The following SLC6A8 variants were observed in gnomAD, a reference collection of about 807,000 sequenced individuals.
SLC6A8 encodes the protein solute carrier family 6 member 8.
In SLC6A8, 6 loss-of-function variants were observed where a neutral mutation model predicts 48.3. The observed-to-expected ratio is 0.12, with a 90% CI of 0.07 to 0.25. The LOEUF is 0.25. Ranked by LOEUF, SLC6A8 falls within the 10% of genes least tolerant of loss-of-function variation. The pLI is 1.00. For synonymous variants in SLC6A8, 245 were observed against 244.0 expected, an observed-to-expected ratio of 1.00 and a Z score of -0.04; for missense variants, 260 against 551.5, an observed-to-expected ratio of 0.47 and a Z score of 5.29.
chrX:153,693,808 A>G (rs2091471137), intron 7 of SLC6A8, 97 bp from the exon 8 acceptor site: 1 of 828,663 alleles, frequency 1.2e-6, no homozygotes, highest in African/African-American at 2.0e-5. Flanking sequence ...CCTCTGAGGC[A>G]GGCGTGGGCA....
At chrX:153,692,195 A>G in intron 4 of SLC6A8, 88 bp downstream of exon 4, 1 of 968,288 alleles carries the variant, frequency 1.0e-6, no homozygotes, top group Admixed American at 2.6e-5. Flanking sequence ...ACGGGAGGTG[A>G]CCAGACAGAG....
intron 1 of SLC6A8, among the ~76,000 whole-genome samples, chrX:153,689,283 C>CGCGG (rs1388529088): frequency 1.0e-5 from 1 of 95,508 alleles, no homozygotes; most frequent in African/African-American, 5.2e-5. Context: ...GCCCTCCCCT[C>CGCGG]CCCTCGCGGC....
At position 153,695,143 on chromosome X, in the gene SLC6A8, G is replaced by T; in HGVS notation, c.1837G>T (p.Val613Phe). 8.3e-7 allele frequency: 1 copy of T among 1,197,894 alleles called. No homozygotes were observed. Among genetic ancestry groups the T allele is most frequent in the East Asian group, 3.0e-5 (1 of 33,249 alleles). ...GGAGTACCGAGCTCAGGACGCAGAT[G>T]TCAGGGGCCTGACCACCCTGACCCC... ...HLEYRAQDAD[V>F]RGLTTLTPVS... Residue 613 changes from valine (V) to phenylalanine (F), a missense_variant, in exon 13 of 13, where the codon GTC (valine) becomes TTC (phenylalanine). Val to Phe is a conservative substitution (Grantham distance 50). This residue lies in a region of SLC6A8 where 87 missense variants were observed against 120.9 expected (regional missense o/e 0.72). Transcript: ENST00000253122.
Position 153,694,523 on chromosome X carries a change from C to T in SLC6A8, c.1496-10C>T, listed in dbSNP as rs1557045522. On this transcript the variant is annotated splice_polypyrimidine_tract_variant and intron_variant, in intron 10 of 12. Transcript: ENST00000253122. ...CTCCAGCTTGGCCCTCCCGCCTCAC[C>T]TCGCCGCAGGAGCTGACCGCTTCAT... 1 of 1,204,916 alleles carries T rather than the reference C, an allele frequency of 8.3e-7. No homozygotes were observed. The highest frequency in any genetic ancestry group is 1.8e-5 in the African/African-American group (1 of 56,763).
intron 2 of SLC6A8, 131 bp downstream of exon 2, chrX:153,690,637 T>C: frequency 1.3e-6 from 1 of 748,402 alleles, no homozygotes; most frequent in Non-Finnish European, 2.0e-6. Flanking sequence ...GGGGGGAGCC[T>C]GGAGGAGATG....
chrX:153,693,142 C>T lies in SLC6A8; in HGVS notation c.879C>T (p.Leu293=). 1 of 1,210,821 alleles carries T rather than the reference C, an allele frequency of 8.3e-7. No individual in the cohort carries two copies. Among genetic ancestry groups the T allele is most frequent in the East Asian group, 3.0e-5 (1 of 33,810 alleles). ...CCCTGGATGGCATCATTTACTATCT[C>T]AAGCCTGACTGGTCAAAGCTGGGGT... The part of the protein sequence containing the change: ...PGALDGIIYY[L]KPDWSKLGSP... The change falls in exon 5 of 13, where the codon CTC becomes CTT. Residue 293 remains leucine (L), a synonymous_variant. Coordinates refer to ENST00000253122, the MANE Select transcript of SLC6A8 (RefSeq NM_005629.4).
rs1064794768 is a variant in SLC6A8 at position 153,695,214 on chromosome X, ACAACT to A, written c.*3_*7del. 2.5e-5 allele frequency: 30 copies of A among 1,179,745 alleles called. No homozygotes were observed. Among genetic ancestry groups the A allele is most frequent in the Admixed American group, 1.9e-4 (8 of 42,291 alleles). On this transcript the variant is annotated 3_prime_UTR_variant, in exon 13 of 13. Transcript: ENST00000253122. The stretch of plus-strand genomic sequence containing the variant: ...TCGTCGTGGTGGAGAGTGTCATGTG[ACAACT>A]CAGCTCACATCACCAGCTCACCTCT...
At chrX:153,691,697 G>A (rs781803950) in intron 3 of SLC6A8, 144 bp downstream of exon 3, 101 of 803,864 alleles carry the variant, frequency 1.3e-4, no homozygotes, top group South Asian at 8.8e-4. Flanking sequence ...GCCTGTCCTC[G>A]GAGAGTCCTG....
At position 153,694,421 on chromosome X, in the gene SLC6A8, G is replaced by A; in HGVS notation, c.1470G>A (p.Glu490=). 1 of 1,208,891 alleles carries A rather than the reference G, an allele frequency of 8.3e-7. No homozygotes were observed. The highest frequency in any genetic ancestry group is 1.1e-6 in the Non-Finnish European group (1 of 892,913). ...CCCTGCTCTGGCAGGCCTTTTGGGA[G>A]TGCGTGGTGGTGGCCTGGGTGTACG... is the stretch of plus-strand genomic sequence containing the variant. ...GTTLLWQAFW[E]CVVVAWVYGA... Residue 490 remains glutamate (E), a synonymous_variant, in exon 10 of 13, where the codon GAG becomes GAA. Transcript: ENST00000253122.
intron 3 of SLC6A8, 107 bp downstream of exon 3, chrX:153,691,660 A>G (rs1387376381): frequency 1.0e-6 from 1 of 1,003,490 alleles, no homozygotes; most frequent in Admixed American, 2.2e-5. Flanking sequence ...GTTGCCTGGC[A>G]GTCCATCCTG....
chrX:153,690,628 G>C (rs2091449920), intron 2 of SLC6A8, 122 bp downstream of exon 2: 1 of 809,754 alleles, frequency 1.2e-6, no homozygotes, highest in South Asian at 2.3e-5. Flanking sequence ...CAGTCTCGAG[G>C]GGGGAGCCTG....
rs2091435790 is a variant in SLC6A8 at position 153,688,581 on chromosome X, A to G, written c.7A>G (p.Lys3Glu). 5 of 1,024,037 alleles carry G rather than the reference A, an allele frequency of 4.9e-6. No homozygotes were observed. Among genetic ancestry groups the G allele is most frequent in the Non-Finnish European group, 6.3e-6 (5 of 796,144 alleles). 84.4% of individuals were successfully genotyped at this position (1,024,037 alleles called of 1,213,427 possible). The stretch of plus-strand genomic sequence containing the variant: ...CGTGCGGCCCGCCGAGGCCATGGCG[A>G]AGAAGAGCGCCGAGAACGGCATCTA... MA[K>E]KSAENGIYSV... Residue 3 changes from lysine to glutamate, a missense_variant, in exon 1 of 13, where the codon AAG becomes GAG. Coordinates refer to ENST00000253122, the MANE Select transcript of SLC6A8 (RefSeq NM_005629.4).
chrX:153,693,415 C>G (rs1263014617), intron 6 of SLC6A8, 47 bp from the exon 7 acceptor site: 1 of 1,208,117 alleles, frequency 8.3e-7, no homozygotes, highest in Non-Finnish European at 1.1e-6. Context: ...CCTGCCCCGC[C>G]CTGCCCAGCA....
intron 6 of SLC6A8, 30 bp downstream of exon 6, chrX:153,693,396 C>A (rs782066198): frequency 1.7e-6 from 2 of 1,205,346 alleles, no homozygotes; most frequent in Non-Finnish European, 2.2e-6. Flanking sequence ...CACCCGTGCC[C>A]TGTCCTGCCC....
rs782667574 is a variant in SLC6A8 at position 153,694,165 on chromosome X, C to T, written c.1290C>T (p.Leu430=). 33 of 1,208,539 alleles carry T rather than the reference C, an allele frequency of 2.7e-5. No homozygotes were observed. Among genetic ancestry groups the T allele is most frequent in the Admixed American group, 8.7e-5 (4 of 45,791 alleles). The part of the protein sequence containing the change: ...VGVEGFITGL[L]DLLPASYYFR... ...TGGAGGGCTTCATCACCGGCCTCCT[C>T]GACCTCCTCCCGGCCTCCTACTACT... Residue 430 remains leucine, a synonymous_variant, in exon 9 of 13, where the codon CTC becomes CTT. Coordinates refer to ENST00000253122, the MANE Select transcript of SLC6A8 (RefSeq NM_005629.4).
At chrX:153,688,955 G>C in intron 1 of SLC6A8, 119 bp downstream of exon 1, 1 of 273,883 alleles carries the variant, frequency 3.7e-6, no homozygotes, top group Non-Finnish European at 5.7e-6. Context: ...GGCACGCGGG[G>C]GTCGGGGCCG....
chrX:153,693,650 G>C (rs781816297), intron 7 of SLC6A8, 64 bp downstream of exon 7: 11 of 1,117,101 alleles, frequency 9.8e-6, no homozygotes, highest in Non-Finnish European at 1.4e-5. Flanking sequence ...ATGATGTACA[G>C]GAACATGCAA....
Position 153,694,396 on chromosome X carries a change from C to G in SLC6A8, c.1445C>G (p.Thr482Ser), listed in dbSNP as rs782808447. ...LFDYYSASGT[T>S]LLWQAFWECV... ...GACTACTACTCGGCCAGCGGCACCA[C>G]CCTGCTCTGGCAGGCCTTTTGGGAG... Residue 482 changes from threonine (T) to serine (S), a missense_variant, in exon 10 of 13, where the codon ACC becomes AGC. Physicochemically the swap from Thr to Ser is moderately conservative, Grantham distance 58. Transcript: ENST00000253122. 1.7e-6 allele frequency: 2 copies of G among 1,211,108 alleles called. No homozygotes were observed. Among genetic ancestry groups the G allele is most frequent in the Non-Finnish European group, 2.2e-6 (2 of 894,957 alleles).
chrX:153,691,903 C>T, intron 3 of SLC6A8, 72 bp from the exon 4 acceptor site: 2 of 1,103,487 alleles, frequency 1.8e-6, no homozygotes, highest in East Asian at 3.1e-5. Flanking sequence ...GGAGCCACAA[C>T]TCCTGGGGGT....
Sources: gnomAD v4.1 joint callset for allele counts (sites outside exome capture counted in the v4.1 genomes callset) on GRCh38, gnomAD v4.1.1 for gene constraint, gnomAD v4.1.1 regional missense constraint, MANE v1.5 for transcripts, NCBI Gene and HGNC (gene_info 2026-07-23, HGNC 2026-07-21) for gene names.